Variants in ANKS1A observed in about 807,000 individuals in gnomAD.
The protein encoded by ANKS1A is ankyrin repeat and sterile alpha motif domain containing 1A.
Under a neutral mutation model 120.3 loss-of-function variants are expected in ANKS1A, and 55 were observed. That is an observed-to-expected ratio of 0.46 (90% CI 0.37 to 0.57). The LOEUF (loss-of-function observed/expected upper bound fraction) is 0.57. Among genes scored for constraint, ANKS1A ranks in the 20% least tolerant of loss-of-function variants. The pLI, the probability that ANKS1A is intolerant of heterozygous loss-of-function variation, is 0.00. For missense variants in ANKS1A, 1,123 were observed against 1,480.3 expected, an observed-to-expected ratio of 0.76 and a Z score of 3.96; for synonymous variants, 590 against 604.7, an observed-to-expected ratio of 0.98 and a Z score of 0.36.
At chr6:34,973,997 T>G (rs1210727062) in intron 3 of ANKS1A, among the ~76,000 whole-genome samples, 1 of 84,866 alleles carries the variant, frequency 1.2e-5, no homozygotes, top group Admixed American at 1.1e-4. Context: ...TCCCTTGTGC[T>G]TCCCCTTCCC....
intron 10 of ANKS1A, among the ~76,000 whole-genome samples, chr6:35,007,442 TC>T (rs903559551): frequency 1.3e-5 from 2 of 152,258 alleles, no homozygotes; most frequent in Admixed American, 1.3e-4. Flanking sequence ...TCTTCTGAAA[TC>T]ATCATACAGG....
intron 19 of ANKS1A, 83 bp from the exon 20 acceptor site, chr6:35,083,334 G>C: frequency 6.3e-7 from 1 of 1,596,134 alleles, no homozygotes; most frequent in Non-Finnish European, 8.6e-7. Context: ...TGTAAGGATG[G>C]GAAGGAAGCT....
In ANKS1A at chr6:35,083,189, G is replaced by A. The variant is rs1387895478; in HGVS notation, c.2870G>A (p.Gly957Glu). 1 of 1,614,142 alleles carries A rather than the reference G, an allele frequency of 6.2e-7. No individual in the cohort carries two copies. The highest frequency in any genetic ancestry group is 1.1e-5 in the South Asian group (1 of 91,078). ...LGSMLIKDLRGTESTQDACAK... is the reference protein window; with the variant it reads ...LGSMLIKDLRETESTQDACAK... Reference sequence around the variant, plus strand: ...TCCATGCTGATCAAAGATCTGCGAGGGACAGAATCCACGCAAGACGCCTGT... The same window carrying A: ...TCCATGCTGATCAAAGATCTGCGAGAGACAGAATCCACGCAAGACGCCTGT... The change falls in exon 19 of 24, where the codon GGG (glycine) becomes GAG (glutamate). Residue 957 changes from glycine to glutamate, a missense_variant. Physicochemically the swap from Gly to Glu is moderately conservative, Grantham distance 98. Around this residue, in one of 3 missense-constraint regions of ANKS1A, gnomAD observed 904 missense variants for 1,130.4 expected, o/e 0.80. Coordinates refer to ENST00000360359, the MANE Select transcript of ANKS1A (RefSeq NM_015245.3).
In ANKS1A at chr6:35,057,280, A is replaced by G. The variant is rs1776268901; in HGVS notation, c.2078-2867A>G. On this transcript the variant is annotated intron_variant, in intron 12 of 23. Coordinates refer to ENST00000360359, the MANE Select transcript of ANKS1A (RefSeq NM_015245.3). This position sits in a 1 kb window ranked among gnomAD's most constrained non-coding sequence, Gnocchi z 4.1. The stretch of plus-strand genomic sequence containing the variant: ...CATCCCTGTGCCAACTCCCATTCTC[A>G]GGAGTCCAGGAGGGTATGCCTTCCC... 6.6e-6 allele frequency among the ~76,000 whole-genome samples: 1 copy of G among 152,240 alleles called. No homozygotes were observed. The highest frequency in any genetic ancestry group is 2.4e-5 in the African/African-American group (1 of 41,566).
chr6:35,087,046 C>A lies in ANKS1A; in HGVS notation c.3398C>A (p.Thr1133Asn). ...CCAGACTCTAAGCGGAGCCTCAGCA[C>A]CAAGTATGAGACCACTATCTTCTAA... ...PKPDSKRSLS[T>N]N The change falls in exon 23 of 24, where the codon ACC becomes AAC. Residue 1133 changes from threonine (T) to asparagine (N), a missense_variant. Thr to Asn is a moderately conservative substitution (Grantham distance 65). Transcript: ENST00000360359. The A allele has an allele frequency of 6.2e-7, 1 of 1,614,080 alleles. No homozygotes were observed. The highest frequency in any genetic ancestry group is 8.5e-7 in the Non-Finnish European group (1 of 1,179,936).
In ANKS1A at chr6:35,033,354, A is replaced by G. The variant is rs74562942; in HGVS notation, c.2010+15295A>G. Among the ~76,000 whole-genome samples, 1,365 of 152,328 alleles carry G rather than the reference A, an allele frequency of 9.0e-3. 20 individuals carry two copies. The highest frequency in any genetic ancestry group is 0.029 in the African/African-American group (1,186 of 41,562). ...CAGCTGGGTTCATGTGCTTACAGCCATTACGGGCTTTACAGGCACTTAATA... is the reference window on the plus strand; with the variant it reads ...CAGCTGGGTTCATGTGCTTACAGCCGTTACGGGCTTTACAGGCACTTAATA... On this transcript the variant is annotated intron_variant, in intron 11 of 23. Transcript: ENST00000360359.
chr6:34,964,923 G>T (rs1041030809), intron 1 of ANKS1A, among the ~76,000 whole-genome samples: 5 of 152,222 alleles, frequency 3.3e-5, no homozygotes, highest in African/African-American at 1.2e-4. Flanking sequence ...TTTTGTCAAT[G>T]AATGTTTTAA....
intron 1 of ANKS1A, among the ~76,000 whole-genome samples, chr6:34,917,076 A>G (rs938613128): frequency 2.0e-5 from 3 of 152,198 alleles, no homozygotes; most frequent in African/African-American, 4.8e-5. Context: ...TTTGGGGACA[A>G]CATAAAACAC....
At chr6:34,934,597 A>G (rs1393159162) in intron 1 of ANKS1A, among the ~76,000 whole-genome samples, 1 of 152,230 alleles carries the variant, frequency 6.6e-6, no homozygotes, top group African/African-American at 2.4e-5. Flanking sequence ...TTGAAGTTAC[A>G]TATCATTCAG....
chr6:34,993,719 T>C (rs1388054372), intron 9 of ANKS1A, among the ~76,000 whole-genome samples: 1 of 152,224 alleles, frequency 6.6e-6, no homozygotes, highest in Non-Finnish European at 1.5e-5. Context: ...GAAGTCATTT[T>C]GGTTTCCTCT....
intron 13 of ANKS1A, among the ~76,000 whole-genome samples, chr6:35,075,807 G>T (rs1003775195): frequency 6.6e-6 from 1 of 152,164 alleles, no homozygotes; most frequent in Non-Finnish European, 1.5e-5. Flanking sequence ...TTGGAAACAG[G>T]CTGGACTGCA....
chr6:34,931,620 A>G (rs1438367573), intron 1 of ANKS1A, among the ~76,000 whole-genome samples: 2 of 152,196 alleles, frequency 1.3e-5, no homozygotes, highest in Admixed American at 6.5e-5. Flanking sequence ...TAAATCTTCA[A>G]AAAGCTAGGA....
At chr6:35,051,650 A>G (rs554138968) in intron 11 of ANKS1A, among the ~76,000 whole-genome samples, 39 of 152,322 alleles carry the variant, frequency 2.6e-4, no homozygotes, top group African/African-American at 8.9e-4. Context: ...CAAATAAAAT[A>G]CGCTTGATGC....
intron 11 of ANKS1A, among the ~76,000 whole-genome samples, chr6:35,051,159 A>G (rs1182591079): frequency 1.3e-5 from 2 of 151,788 alleles, no homozygotes; most frequent in Non-Finnish European, 2.9e-5. Flanking sequence ...GCGCCACTGC[A>G]CTCCAGCCTG....
At chr6:34,981,107 G>A (rs1037510206) in intron 3 of ANKS1A, among the ~76,000 whole-genome samples, 5 of 152,188 alleles carry the variant, frequency 3.3e-5, no homozygotes, top group African/African-American at 7.2e-5. Flanking sequence ...CTGAGCCCGA[G>A]TGCCCCCTTT....
chr6:34,987,562 T>A (rs540977804), intron 8 of ANKS1A, among the ~76,000 whole-genome samples: 2 of 152,324 alleles, frequency 1.3e-5, no homozygotes, highest in East Asian at 1.9e-4. Context: ...TGGGACTTAG[T>A]GGGACATCTG....
chr6:34,913,245 A>G (rs1394711740), intron 1 of ANKS1A, among the ~76,000 whole-genome samples: 1 of 152,234 alleles, frequency 6.6e-6, no homozygotes, highest in Non-Finnish European at 1.5e-5. Context: ...CAGGTTACAC[A>G]TTGTAATAGT....
intron 1 of ANKS1A, among the ~76,000 whole-genome samples, chr6:34,931,367 C>T (rs1466762623): frequency 1.3e-5 from 2 of 152,018 alleles, no homozygotes; most frequent in African/African-American, 4.8e-5. Context: ...AGGCTGATCT[C>T]GAACTCCTGA....
At chr6:34,890,109 CGAGACG>C (rs1283558433) in intron 1 of ANKS1A, among the ~76,000 whole-genome samples, 1 of 150,884 alleles carries the variant, frequency 6.6e-6, no homozygotes, top group Admixed American at 6.6e-5. Context: ...TTTTTTCCCT[CGAGACG>C]GAGACTTGTT....
Sources: gnomAD v4.1 joint callset for allele counts (sites outside exome capture counted in the v4.1 genomes callset) on GRCh38, gnomAD v4.1.1 for gene constraint, gnomAD v4.1.1 regional missense constraint, Gnocchi (gnomAD v3.1) non-coding constraint, MANE v1.5 for transcripts, NCBI Gene and HGNC (gene_info 2026-07-23, HGNC 2026-07-21) for gene names.